The following CNGB3 variants were observed in gnomAD, a reference collection of about 807,000 sequenced individuals.
CNGB3 encodes the protein cyclic nucleotide-gated channel beta-3.
Under a neutral mutation model 92.8 loss-of-function variants are expected in CNGB3, and 86 were observed. The ratio of observed to expected loss-of-function variants is 0.93; its 90% CI spans 0.78 to 1.11. The LOEUF is 1.11. Ranked by LOEUF, CNGB3 falls within the 50% of genes least tolerant of loss-of-function variation. The probability of loss-of-function intolerance (pLI) is 0.00; values close to 1 mark genes in which losing one functional copy is unlikely to be tolerated. For synonymous variants in CNGB3, 333 were observed against 332.7 expected, an observed-to-expected ratio of 1.00 and a Z score of -0.01; for missense variants, 1,026 against 956.8, an observed-to-expected ratio of 1.07 and a Z score of -0.95.
At chr8:86,604,059 G>T in intron 15 of CNGB3, 34 bp downstream of exon 15, 1 of 1,328,542 alleles carries the variant, frequency 7.5e-7, no homozygotes, top group South Asian at 1.2e-5. Flanking sequence ...GACAAATGAT[G>T]GACTTCAATA....
At chr8:86,712,882 C>T (rs1350166351) in intron 3 of CNGB3, among the ~76,000 whole-genome samples, 3 of 150,998 alleles carry the variant, frequency 2.0e-5, no homozygotes, top group South Asian at 2.1e-4. Flanking sequence ...TGTGATACTG[C>T]GCCTGGCTTT....
chr8:86,691,217 T>G (rs1368942917), intron 3 of CNGB3, among the ~76,000 whole-genome samples: 1 of 152,228 alleles, frequency 6.6e-6, no homozygotes, highest in Non-Finnish European at 1.5e-5. Flanking sequence ...TTGTGTACAT[T>G]TATTTTGTAA....
chr8:86,688,397 A>G (rs550265320), intron 3 of CNGB3, among the ~76,000 whole-genome samples: 1 of 152,152 alleles, frequency 6.6e-6, no homozygotes, highest in Admixed American at 6.5e-5. Context: ...CCATGTTACT[A>G]AGGATATTTT....
intron 3 of CNGB3, among the ~76,000 whole-genome samples, chr8:86,690,272 G>A (rs547114638): frequency 0.045 from 6,851 of 152,200 alleles, 496 homozygotes; most frequent in African/African-American, 0.15. Flanking sequence ...GTGTGAGATG[G>A]TATCTCATTG....
chr8:86,679,050 A>T (rs1298315513), intron 3 of CNGB3, among the ~76,000 whole-genome samples: 1 of 152,154 alleles, frequency 6.6e-6, no homozygotes, highest in Non-Finnish European at 1.5e-5. Context: ...TAGCAGCCTG[A>T]AAGAGTCAAA....
At chr8:86,586,580 T>C (rs1585948961) in intron 15 of CNGB3, among the ~76,000 whole-genome samples, 1 of 149,792 alleles carries the variant, frequency 6.7e-6, no homozygotes, top group South Asian at 2.1e-4. Flanking sequence ...AGTGAGAATA[T>C]GCGGTGTTTG....
chr8:86,603,883 G>T (rs911602454), intron 15 of CNGB3, among the ~76,000 whole-genome samples: 1 of 152,154 alleles, frequency 6.6e-6, no homozygotes, highest in Admixed American at 6.5e-5. Context: ...ACTGCTCTAG[G>T]TCCTGGACTA....
chr8:86,656,781 G>C (rs1329580873), intron 6 of CNGB3, among the ~76,000 whole-genome samples: 3 of 151,836 alleles, frequency 2.0e-5, no homozygotes, highest in African/African-American at 7.3e-5. Flanking sequence ...AAAATAAACA[G>C]AAGTTGCATC....
intron 3 of CNGB3, among the ~76,000 whole-genome samples, chr8:86,705,781 A>C (rs547940730): frequency 6.6e-6 from 1 of 152,204 alleles, no homozygotes; most frequent in Non-Finnish European, 1.5e-5. Flanking sequence ...GCAGTGAGAC[A>C]GTAAGTTGCT....
chr8:86,732,573 G>C (rs182302970), intron 2 of CNGB3, among the ~76,000 whole-genome samples: 7 of 152,260 alleles, frequency 4.6e-5, no homozygotes, highest in Admixed American at 2.6e-4. Flanking sequence ...CCCCTGAATG[G>C]CTTTTCAGCT....
intron 11 of CNGB3, 80 bp downstream of exon 11, chr8:86,632,672 T>C: frequency 6.9e-7 from 1 of 1,439,878 alleles, no homozygotes; most frequent in South Asian, 1.2e-5. Context: ...ATTTTAATTT[T>C]TCCTCCATAA....
In CNGB3 at chr8:86,659,683, T is replaced by G; in HGVS notation, c.853-5621A>C. The G allele has an allele frequency of 1.6e-5, 7 of 432,382 alleles. 1 individual carries two copies. Among genetic ancestry groups the G allele is most frequent in the South Asian group, 1.3e-4 (7 of 53,048 alleles). The allele number at this position is 432,382 out of a possible 1,614,324, so 26.8% of individuals were successfully genotyped here. ...CTCTCCTTCAAACTGCCTGGCAGCA[T>G]GCTGAGTGTAATACAGAGCTGTCCA... is the stretch of plus-strand genomic sequence containing the variant. On this transcript the variant is annotated intron_variant, in intron 6 of 17. Coordinates refer to ENST00000320005, the MANE Select transcript of CNGB3 (RefSeq NM_019098.5).
intron 3 of CNGB3, among the ~76,000 whole-genome samples, chr8:86,699,019 G>C (rs1824501706): frequency 6.6e-6 from 1 of 152,108 alleles, no homozygotes. Context: ...TGTATTTATT[G>C]TCCTAGGTGC....
At chr8:86,626,623 G>A (rs1301041557) in intron 12 of CNGB3, among the ~76,000 whole-genome samples, 4 of 152,204 alleles carry the variant, frequency 2.6e-5, no homozygotes, top group Admixed American at 2.6e-4. Flanking sequence ...CTGAGAAGCT[G>A]TAAGTGACTT....
At position 86,722,207 on chromosome 8, in the gene CNGB3, T is replaced by C. The variant is rs376636494; in HGVS notation, c.338+4324A>G. Among the ~76,000 whole-genome samples, 17 of 152,292 alleles carry C rather than the reference T, an allele frequency of 1.1e-4. No individual in the cohort carries two copies. In the East Asian group the frequency reaches 2.1e-3, roughly 19 times the overall value. The stretch of plus-strand genomic sequence containing the variant: ...TCAACTCTGTCTCCTTTTTCAGACA[T>C]AGCTATTTGACATTTCCAGGCAAAA... On this transcript the variant is annotated intron_variant, in intron 3 of 17. Transcript: ENST00000320005.
At chr8:86,675,774 T>C (rs1001700203) in intron 3 of CNGB3, among the ~76,000 whole-genome samples, 7 of 152,186 alleles carry the variant, frequency 4.6e-5, no homozygotes, top group African/African-American at 7.2e-5. Flanking sequence ...TGTGACTTTT[T>C]TTGATAAAGG....
At chr8:86,666,006 A>T (rs1346584920) in intron 6 of CNGB3, among the ~76,000 whole-genome samples, 1 of 152,236 alleles carries the variant, frequency 6.6e-6, no homozygotes, top group Non-Finnish European at 1.5e-5. Context: ...GAGGCACTTC[A>T]CTTGGTTCCT....
intron 15 of CNGB3, 41 bp from the exon 16 acceptor site, chr8:86,579,293 T>C: frequency 6.2e-7 from 1 of 1,609,030 alleles, no homozygotes; most frequent in East Asian, 2.2e-5. Context: ...CAGTTTCAGT[T>C]TTCCTCCACT....
At chr8:86,727,074 C>T (rs1825072744) in intron 2 of CNGB3, among the ~76,000 whole-genome samples, 1 of 152,194 alleles carries the variant, frequency 6.6e-6, no homozygotes, top group Non-Finnish European at 1.5e-5. Context: ...CATTCTAACA[C>T]AATGGTCAGT....
Sources: allele counts gnomAD v4.1 joint callset (sites outside exome capture counted in the v4.1 genomes callset), GRCh38; gene constraint gnomAD v4.1.1; transcripts MANE v1.5; gene names NCBI Gene and HGNC (gene_info 2026-07-23, HGNC 2026-07-21).